Variants in ROCK2 observed in about 807,000 individuals in gnomAD.
ROCK2 encodes Rho associated coiled-coil containing protein kinase 2, also known as rho-associated protein kinase 2.
A neutral mutation model predicts 195.1 loss-of-function variants in ROCK2; 61 were observed. The observed-to-expected ratio is 0.31, with a 90% CI of 0.25 to 0.39. The LOEUF (loss-of-function observed/expected upper bound fraction) is 0.39, where lower values mean the gene tolerates loss of function less well. ROCK2 is among the 10% of genes least tolerant of loss of function. ROCK2 has a pLI of 1.00. For synonymous variants in ROCK2, 504 were observed against 545.5 expected, an observed-to-expected ratio of 0.92 and a Z score of 1.06; for missense variants, 1,109 against 1,637.4, an observed-to-expected ratio of 0.68 and a Z score of 5.57.
At chr2:11,231,007 T>C (rs1664988036) in intron 5 of ROCK2, among the ~76,000 whole-genome samples, 2 of 152,230 alleles carry the variant, frequency 1.3e-5, no homozygotes, top group East Asian at 1.9e-4. Flanking sequence ...ATTTAGCAAA[T>C]ACATATTTAA....
chr2:11,191,305 C>T (rs1663412930), intron 32 of ROCK2, among the ~76,000 whole-genome samples: 1 of 152,198 alleles, frequency 6.6e-6, no homozygotes, highest in Admixed American at 6.5e-5. Flanking sequence ...AGGACTTTCA[C>T]ATAGCTATCC....
chr2:11,219,042 G>A lies in ROCK2; in HGVS notation c.1260-16C>T. The A allele has an allele frequency of 3.6e-6, 5 of 1,376,098 alleles. No individual in the cohort carries two copies. Among genetic ancestry groups the A allele is most frequent in the Non-Finnish European group, 5.0e-6 (5 of 1,006,998 alleles). 85.2% of individuals were successfully genotyped at this position (1,376,098 alleles called of 1,614,324 possible). A position where few individuals can be genotyped will look rare whatever the true frequency, so the allele number is the denominator to read the frequency against. On this transcript the variant is annotated splice_polypyrimidine_tract_variant and intron_variant, in intron 9 of 32. Coordinates refer to ENST00000315872, the MANE Select transcript of ROCK2 (RefSeq NM_004850.5). Reference sequence around the variant, plus strand: ...ACTTAATAATCTACATGGAAGGGGGGAGAAAATAAATTTTTTCATTTCATT... The same window carrying A: ...ACTTAATAATCTACATGGAAGGGGGAAGAAAATAAATTTTTTCATTTCATT...
chr2:11,186,084 T>TTAACTATAA (rs1663187142), intron 32 of ROCK2, among the ~76,000 whole-genome samples: 2 of 152,196 alleles, frequency 1.3e-5, no homozygotes, highest in African/African-American at 4.8e-5. Flanking sequence ...AATGGATGAT[T>TTAACTATAA]ACTCTAATTT....
At chr2:11,243,594 G>C (rs1340075065) in intron 4 of ROCK2, among the ~76,000 whole-genome samples, 12 of 152,002 alleles carry the variant, frequency 7.9e-5, no homozygotes, top group Non-Finnish European at 2.9e-5. Flanking sequence ...CATAACCCTA[G>C]TATAATTAAT....
chr2:11,275,967 T>C (rs1666812206), intron 3 of ROCK2, among the ~76,000 whole-genome samples: 1 of 152,116 alleles, frequency 6.6e-6, no homozygotes, highest in Non-Finnish European at 1.5e-5. Flanking sequence ...CCCAAAGTGC[T>C]GGGATTATAG....
chr2:11,329,403 T>C (rs1668647429), intron 1 of ROCK2, among the ~76,000 whole-genome samples: 1 of 151,612 alleles, frequency 6.6e-6, no homozygotes, highest in Non-Finnish European at 1.5e-5. Flanking sequence ...ACCAAATATT[T>C]ACATTATATC....
chr2:11,303,199 T>G (rs1249149207), intron 1 of ROCK2, among the ~76,000 whole-genome samples: 1 of 152,204 alleles, frequency 6.6e-6, no homozygotes, highest in Non-Finnish European at 1.5e-5. Flanking sequence ...AGGATAAAAA[T>G]CTCTCCTTCC....
In ROCK2 at chr2:11,286,477, T is replaced by C. The variant is rs1173504036; in HGVS notation, c.324+62A>G. ...AGAAATTAGATCTACTCAGCTGCTA[T>C]TGATAATGCTTCACAAAACCATGAT... On this transcript the variant is annotated intron_variant, in intron 3 of 32. Transcript: ENST00000315872. 7.5e-6 allele frequency: 8 copies of C among 1,060,112 alleles called. No individual in the cohort carries two copies. In the Admixed American group the frequency reaches 9.1e-5, roughly 12 times the overall value. 65.7% of individuals were successfully genotyped at this position (1,060,112 alleles called of 1,614,324 possible).
At chr2:11,269,777 G>A (rs1666560486) in intron 3 of ROCK2, among the ~76,000 whole-genome samples, 2 of 152,114 alleles carry the variant, frequency 1.3e-5, no homozygotes, top group South Asian at 4.1e-4. Flanking sequence ...AAGAGATGGG[G>A]TCTTGCTCTG....
At chr2:11,226,912 G>GGA (rs1191584645) in intron 6 of ROCK2, among the ~76,000 whole-genome samples, 11 of 100,804 alleles carry the variant, frequency 1.1e-4, no homozygotes, top group African/African-American at 4.4e-4. Context: ...CCCTGCCTCA[G>GGA]AAAAAAAAAA....
rs1377459420 is a variant in ROCK2 at position 11,218,483 on chromosome 2, A to G, written c.1321-17T>C. On this transcript the variant is annotated splice_polypyrimidine_tract_variant and intron_variant, in intron 10 of 32. Coordinates refer to ENST00000315872, the MANE Select transcript of ROCK2 (RefSeq NM_004850.5). ...TTGACTTTCCTATTTAAAACAAAAC[A>G]GAAAACACATTAAAATACTAAAATG... 1 of 1,500,358 alleles carries G rather than the reference A, an allele frequency of 6.7e-7. No homozygotes were observed. The highest frequency in any genetic ancestry group is 9.1e-7 in the Non-Finnish European group (1 of 1,098,936). The allele number at this position is 1,500,358 out of a possible 1,614,324, so 92.9% of individuals were successfully genotyped here. A position where few individuals can be genotyped will look rare whatever the true frequency, so the allele number is the denominator to read the frequency against.
At chr2:11,198,660 A>C in intron 24 of ROCK2, 21 bp downstream of exon 24, 1 of 1,577,560 alleles carries the variant, frequency 6.3e-7, no homozygotes, top group Admixed American at 1.7e-5. Context: ...TTAAAAATAA[A>C]CATTTTTTGT....
At chr2:11,343,845 T>C (rs866756258) in intron 1 of ROCK2, 151 bp downstream of exon 1, 2 of 915,130 alleles carry the variant, frequency 2.2e-6, no homozygotes, top group Non-Finnish European at 3.1e-6. Context: ...GGTGACAGAA[T>C]CGTTTGGTCT....
intron 3 of ROCK2, among the ~76,000 whole-genome samples, chr2:11,254,499 A>G (rs1486827188): frequency 6.6e-6 from 1 of 152,156 alleles, no homozygotes; most frequent in Admixed American, 6.6e-5. Flanking sequence ...CCAGAGAGAA[A>G]GCAGTCCAGG....
chr2:11,244,151 T>C (rs182410482), intron 4 of ROCK2, among the ~76,000 whole-genome samples: 2 of 152,350 alleles, frequency 1.3e-5, no homozygotes, highest in East Asian at 3.9e-4. Flanking sequence ...ATTCTTGTCA[T>C]TAGTAGACCT....
intron 4 of ROCK2, among the ~76,000 whole-genome samples, chr2:11,240,602 G>A (rs531867346): frequency 1.3e-5 from 2 of 152,334 alleles, no homozygotes; most frequent in South Asian, 4.1e-4. Context: ...ATGGTTGCCT[G>A]GGGCTCAGAG....
chr2:11,208,489 AAAG>A (rs757915634), intron 18 of ROCK2, 42 bp from the exon 19 acceptor site: 50 of 1,218,936 alleles, frequency 4.1e-5, no homozygotes, highest in Admixed American at 1.0e-4. Flanking sequence ...TTTACAAATA[AAAG>A]AAGCATATCA....
intron 1 of ROCK2, among the ~76,000 whole-genome samples, chr2:11,313,995 A>T (rs537229747): frequency 6.6e-6 from 1 of 152,054 alleles, no homozygotes; most frequent in Non-Finnish European, 1.5e-5. Context: ...ATAAATATAT[A>T]TAAGAACACT....
At chr2:11,275,989 C>T (rs527760100) in intron 3 of ROCK2, among the ~76,000 whole-genome samples, 40 of 152,110 alleles carry the variant, frequency 2.6e-4, no homozygotes, top group Non-Finnish European at 5.1e-4. Context: ...CGTGAGCCAC[C>T]GTGCCCTGCC....
Sources: gnomAD v4.1 joint callset for allele counts (sites outside exome capture counted in the v4.1 genomes callset) on GRCh38, gnomAD v4.1.1 for gene constraint, MANE v1.5 for transcripts, NCBI Gene and HGNC (gene_info 2026-07-23, HGNC 2026-07-21) for gene names.